Variants in NCOR2 observed in about 807,000 individuals in gnomAD.
NCOR2 encodes nuclear receptor corepressor 2, also known as CTG repeat protein 26.
Under a neutral mutation model 262.9 loss-of-function variants are expected in NCOR2, and 81 were observed. That is an observed-to-expected ratio of 0.31 (90% CI 0.26 to 0.37). The LOEUF (loss-of-function observed/expected upper bound fraction) is 0.37, where lower values mean the gene tolerates loss of function less well. Among genes scored for constraint, NCOR2 ranks in the 10% least tolerant of loss-of-function variants. The pLI is 1.00. For synonymous variants in NCOR2, 1,659 were observed against 1,559.3 expected, an observed-to-expected ratio of 1.06 and a Z score of -1.51; for missense variants, 3,385 against 3,621.4, an observed-to-expected ratio of 0.93 and a Z score of 1.68.
At chr12:124,355,202 A>G (rs2037855047) in intron 24 of NCOR2, 3 of 625,376 alleles carry the variant, frequency 4.8e-6, no homozygotes, top group Non-Finnish European at 8.2e-6. Flanking sequence ...GCCTGAGGCC[A>G]CACAGCCTGG....
chr12:124,528,418 A>G (rs1225858634), intron 1 of NCOR2, among the ~76,000 whole-genome samples: 1 of 152,192 alleles, frequency 6.6e-6, no homozygotes, highest in Non-Finnish European at 1.5e-5. Flanking sequence ...AGGCAAGGAA[A>G]AAGGAGAAGG....
Position 124,378,675 on chromosome 12 carries a change from G to C in NCOR2, c.2020-291C>G, listed in dbSNP as rs564804100. ...AGAGAACCTGCCTGACATTGCCCAG[G>C]AGTCTCCTAGTCAGAGCGAGTGACC... On this transcript the variant is annotated intron_variant, in intron 17 of 46. Coordinates refer to ENST00000405201, the Ensembl canonical transcript of NCOR2. This position sits in a 1 kb window ranked among gnomAD's most constrained non-coding sequence, Gnocchi z 4.2. Among the ~76,000 whole-genome samples the C allele has an allele frequency of 4.6e-5, 7 of 152,312 alleles. No homozygotes were observed. The highest frequency in any genetic ancestry group is 1.7e-4 in the African/African-American group (7 of 41,544).
At chr12:124,429,240 C>G (rs558840277) in intron 10 of NCOR2, among the ~76,000 whole-genome samples, 1 of 152,264 alleles carries the variant, frequency 6.6e-6, no homozygotes, top group African/African-American at 2.4e-5. Flanking sequence ...CAGGCACTCC[C>G]GCCCCTTGGG....
At chr12:124,334,079 C>T (rs574043565) in intron 41 of NCOR2, among the ~76,000 whole-genome samples, 19 of 149,814 alleles carry the variant, frequency 1.3e-4, no homozygotes, top group Admixed American at 4.7e-4. Context: ...CCCTCTGTCA[C>T]CTACTGACTG....
chr12:124,549,655 C>CTAT lies in NCOR2; in HGVS notation c.-164-14047_-164-14045dup, dbSNP rs1192263829. Reference sequence around the variant, plus strand: ...CCCACTGCAACCCAGGAGGTAAATGCTATTACGAACACCCTTCTCCAGATG... The same window carrying CTAT: ...CCCACTGCAACCCAGGAGGTAAATGCTATTATTACGAACACCCTTCTCCAGATG... On this transcript the variant is annotated intron_variant, in intron 1 of 32. Coordinates refer to the NCOR2 transcript ENST00000458234. The surrounding 1 kb of genome is among the most constrained non-coding windows in gnomAD (Gnocchi z 4.4). Among the ~76,000 whole-genome samples, 2 of 152,164 alleles carry CTAT rather than the reference C, an allele frequency of 1.3e-5. No individual in the cohort carries two copies. Among genetic ancestry groups the CTAT allele is most frequent in the Non-Finnish European group, 2.9e-5 (2 of 68,030 alleles).
intron 13 of NCOR2, among the ~76,000 whole-genome samples, chr12:124,406,218 C>G (rs2042267101): frequency 6.6e-6 from 1 of 152,210 alleles, no homozygotes; most frequent in South Asian, 2.1e-4. Flanking sequence ...AAGGGCACGG[C>G]TGTGTGCCAA....
rs200488675 is a variant in NCOR2, at chr12:124,340,148, C to T, written c.5545G>A (p.Ala1849Thr). ...TGCTGGTGGGCATGGGAGTGGGAGG[C>T]GGGGCGGCTGCTGCTGCCCCCACCC... is the stretch of plus-strand genomic sequence containing the variant. Residue 1849 changes from alanine to threonine, a missense_variant, in exon 37 of 47, where the codon GCC (alanine) becomes ACC (threonine). By Grantham distance (58) the Ala-to-Thr change is moderately conservative. Transcript: ENST00000405201. 4.9e-5 allele frequency: 79 copies of T among 1,599,412 alleles called. No homozygotes were observed. The highest frequency in any genetic ancestry group is 4.8e-4 in the Admixed American group (28 of 58,498).
intron 28 of NCOR2, among the ~76,000 whole-genome samples, chr12:124,350,072 C>T (rs940983038): frequency 6.6e-6 from 1 of 152,150 alleles, no homozygotes; most frequent in African/African-American, 2.4e-5. Context: ...TCTCCACACC[C>T]CTGGGTGCCC....
intron 13 of NCOR2, among the ~76,000 whole-genome samples, chr12:124,403,428 C>A (rs893583316): frequency 6.6e-6 from 1 of 152,112 alleles, no homozygotes; most frequent in African/African-American, 2.4e-5. Flanking sequence ...CTCCCCTCAC[C>A]GAGATAGAGG....
At position 124,547,055 on chromosome 12, in the gene NCOR2, T is replaced by A. The variant is rs187957685; in HGVS notation, c.-164-11444A>T. 4.6e-5 allele frequency among the ~76,000 whole-genome samples: 7 copies of A among 152,276 alleles called. No individual in the cohort carries two copies. In the East Asian group the frequency reaches 1.4e-3, roughly 29 times the overall value. On this transcript the variant is annotated intron_variant, in intron 1 of 32. Coordinates refer to the NCOR2 transcript ENST00000458234. ...CCCAGGCTGGAGTGCAATGGTGCAA[T>A]CTCGGCTCACTGCAACCTCGACCTC...
chr12:124,336,410 A>C (rs1022016163), intron 38 of NCOR2: 3 of 176,830 alleles, frequency 1.7e-5, no homozygotes, highest in South Asian at 3.2e-4. Context: ...GCAAAAATCC[A>C]AAAAAAAAAA....
intron 13 of NCOR2, among the ~76,000 whole-genome samples, chr12:124,408,425 T>A (rs1342550836): frequency 6.6e-6 from 1 of 152,058 alleles, no homozygotes; most frequent in Non-Finnish European, 1.5e-5. Context: ...TGGCCATTAT[T>A]AAAAATGGAA....
intron 3 of NCOR2, among the ~76,000 whole-genome samples, chr12:124,478,865 G>A (rs2047245444): frequency 6.6e-6 from 1 of 152,140 alleles, no homozygotes; most frequent in South Asian, 2.1e-4. Context: ...AGAAAGAGAT[G>A]GAGAGGCAGA....
rs1363226819 is a variant in NCOR2 at position 124,389,448 on chromosome 12, G to T, written c.1877-3561C>A. On this transcript the variant is annotated intron_variant, in intron 16 of 46. Coordinates refer to ENST00000405201, the Ensembl canonical transcript of NCOR2. The surrounding 1 kb of genome is among the most constrained non-coding windows in gnomAD (Gnocchi z 4.4). The stretch of plus-strand genomic sequence containing the variant: ...GCTCCCCCTCCCTCTCTCCCCATCC[G>T]CGGCGGTGGCGGCGTCAGCAGTGGT... 6.6e-6 allele frequency among the ~76,000 whole-genome samples: 1 copy of T among 151,344 alleles called. No homozygotes were observed. Among genetic ancestry groups the T allele is most frequent in the Non-Finnish European group, 1.5e-5 (1 of 67,912 alleles).
At chr12:124,529,179 CAA>C (rs148397454) in intron 1 of NCOR2, among the ~76,000 whole-genome samples, 15,396 of 50,072 alleles carry the variant, frequency 0.31, 228 homozygotes, top group East Asian at 0.34. Flanking sequence ...AACTCCGACT[CAA>C]AAAAAAAAAA....
rs1385281417 is a variant in NCOR2 at position 124,356,575 on chromosome 12, G to C, written c.3241+67C>G. 7 of 1,305,852 alleles carry C rather than the reference G, an allele frequency of 5.4e-6. No homozygotes were observed. In the Admixed American group the frequency reaches 2.2e-4, roughly 42 times the overall value. The allele number at this position is 1,305,852 out of a possible 1,614,324, so 80.9% of individuals were successfully genotyped here. Reference sequence around the variant, plus strand: ...TGCTTCTGTGTGCAGCTCTGAGCCAGTGCAAACAGTGCAAACAGCGATTGT... The same window carrying C: ...TGCTTCTGTGTGCAGCTCTGAGCCACTGCAAACAGTGCAAACAGCGATTGT... On this transcript the variant is annotated intron_variant, in intron 23 of 46. Coordinates refer to ENST00000405201, the Ensembl canonical transcript of NCOR2.
At chr12:124,377,942 C>T (rs535271626) in intron 18 of NCOR2, among the ~76,000 whole-genome samples, 7 of 152,104 alleles carry the variant, frequency 4.6e-5, no homozygotes, top group South Asian at 2.1e-4. Context: ...CTGGCCTGGA[C>T]GTCTGGTCAC....
intron 44 of NCOR2, chr12:124,328,960 T>C (rs539063190): frequency 1.5e-5 from 5 of 335,740 alleles, no homozygotes; most frequent in South Asian, 7.2e-5. Flanking sequence ...GCCATGTGCA[T>C]GAAGAAAAAG....
intron 17 of NCOR2, among the ~76,000 whole-genome samples, chr12:124,384,045 G>A (rs568788894): frequency 6.6e-6 from 1 of 151,944 alleles, no homozygotes; most frequent in South Asian, 2.1e-4. Context: ...GAGGGGAGGC[G>A]GGGGGAGGAG....
Sources: gnomAD v4.1 joint callset for allele counts (sites outside exome capture counted in the v4.1 genomes callset) on GRCh38, gnomAD v4.1.1 for gene constraint, Gnocchi (gnomAD v3.1) non-coding constraint, MANE v1.5 for transcripts, NCBI Gene and HGNC (gene_info 2026-07-23, HGNC 2026-07-21) for gene names.